The following TFCP2L1 variants were observed in gnomAD, a reference collection of about 807,000 sequenced individuals.
TFCP2L1 encodes the protein transcription factor CP2-like protein 1.
TFCP2L1 carries 12 observed loss-of-function variants against 72.2 expected under a neutral mutation model. The observed-to-expected ratio is 0.17, with a 90% confidence interval of 0.11 to 0.27. The LOEUF (loss-of-function observed/expected upper bound fraction) is 0.27. Ranked by LOEUF, TFCP2L1 falls within the 10% of genes least tolerant of loss-of-function variation. The pLI, the probability that TFCP2L1 is intolerant of heterozygous loss-of-function variation, is 1.00. For missense variants in TFCP2L1, 488 were observed against 624.6 expected (o/e 0.78, Z 2.33); for synonymous variants, 260 against 251.0 (o/e 1.04, Z -0.34).
At chr2:121,252,571 A>T (rs1161570518) in intron 2 of TFCP2L1, among the ~76,000 whole-genome samples, 2 of 152,160 alleles carry the variant, frequency 1.3e-5, no homozygotes, top group Admixed American at 1.3e-4. Flanking sequence ...TGCTTATGAG[A>T]AACACAAGAG....
At position 121,220,822 on chromosome 2, in the gene TFCP2L1, G is replaced by T. The variant is rs1573349240; in HGVS notation, c.*3519C>A. On this transcript the variant is annotated 3_prime_UTR_variant, in exon 15 of 15. Transcript: ENST00000263707. ...AGATATTTTGGTACCAAATTACCAT[G>T]TGTACTTTTTTTTGGTATTTATTAT... The T allele has an allele frequency of 6.6e-6, 1 of 152,300 alleles. No individual in the cohort carries two copies. The highest frequency in any genetic ancestry group is 1.9e-4 in the East Asian group (1 of 5,184). The allele number at this position is 152,300 out of a possible 1,614,324, so 9.4% of individuals were successfully genotyped here. A position where few individuals can be genotyped will look rare whatever the true frequency, so the allele number is the denominator to read the frequency against.
chr2:121,266,877 T>G (rs953563387), intron 2 of TFCP2L1, among the ~76,000 whole-genome samples: 2 of 146,372 alleles, frequency 1.4e-5, no homozygotes, highest in Non-Finnish European at 3.0e-5. Context: ...ATAATTATTT[T>G]TTTCATTATT....
intron 2 of TFCP2L1, among the ~76,000 whole-genome samples, chr2:121,265,935 G>C (rs780291867): frequency 2.0e-5 from 3 of 149,108 alleles, no homozygotes; most frequent in Non-Finnish European, 3.0e-5. Flanking sequence ...ATGTAGTCTC[G>C]GCTCAGTGCA....
intron 13 of TFCP2L1, among the ~76,000 whole-genome samples, chr2:121,228,960 C>T (rs1686087981): frequency 6.6e-6 from 1 of 151,962 alleles, no homozygotes; most frequent in Non-Finnish European, 1.5e-5. Context: ...CGCTCTGTTG[C>T]CCCGGCTGGA....
At chr2:121,267,758 G>A (rs1686961921) in intron 2 of TFCP2L1, among the ~76,000 whole-genome samples, 1 of 152,186 alleles carries the variant, frequency 6.6e-6, no homozygotes, top group Non-Finnish European at 1.5e-5. Context: ...GCCTCCCAAA[G>A]TGCTGGGATT....
At position 121,225,710 on chromosome 2, in the gene TFCP2L1, C is replaced by A. The variant is rs533188637; in HGVS notation, c.1342-97G>T. 5.1e-5 allele frequency: 69 copies of A among 1,348,866 alleles called. No individual in the cohort carries two copies. In the African/African-American group the frequency reaches 9.1e-4, roughly 18 times the overall value. The allele number at this position is 1,348,866 out of a possible 1,614,324, so 83.6% of individuals were successfully genotyped here. On this transcript the variant is annotated intron_variant, in intron 13 of 14. Coordinates refer to ENST00000263707, the MANE Select transcript of TFCP2L1 (RefSeq NM_014553.3). ...CTAGCCATGCGCAGCTGCAGAAACACCACTGCCAAGCCACTGCCACGGTGC... is the reference window on the plus strand; with the variant it reads ...CTAGCCATGCGCAGCTGCAGAAACAACACTGCCAAGCCACTGCCACGGTGC...
At chr2:121,237,583 A>G (rs767899665) in intron 10 of TFCP2L1, 40 bp downstream of exon 10, 1 of 1,609,066 alleles carries the variant, frequency 6.2e-7, no homozygotes, top group Admixed American at 1.7e-5. Context: ...AGTGTCTCCA[A>G]GATACTCATG....
At chr2:121,278,491 G>A (rs868105383) in intron 2 of TFCP2L1, among the ~76,000 whole-genome samples, 15 of 150,274 alleles carry the variant, frequency 1.0e-4, no homozygotes, top group African/African-American at 3.6e-4. Flanking sequence ...TTTGAGACCA[G>A]CCTGGCCAAC....
chr2:121,284,905 G>A lies in TFCP2L1; in HGVS notation c.62+143C>T, dbSNP rs924834055. On this transcript the variant is annotated intron_variant, in intron 1 of 14. Coordinates refer to ENST00000263707, the MANE Select transcript of TFCP2L1 (RefSeq NM_014553.3). The stretch of plus-strand genomic sequence containing the variant: ...TCTGTCAGTCCCTAGGCGGGACGCT[G>A]GGCGGGTCTCTCAGTCCCCAGAGGG... 8 of 692,762 alleles carry A rather than the reference G, an allele frequency of 1.2e-5. No individual in the cohort carries two copies. The East Asian group carries it at 1.5e-4, about 13-fold the overall frequency. 42.9% of individuals were successfully genotyped at this position (692,762 alleles called of 1,614,324 possible). A position where few individuals can be genotyped will look rare whatever the true frequency, so the allele number is the denominator to read the frequency against.
chr2:121,217,145 G>T lies in TFCP2L1; in HGVS notation c.*7196C>A, dbSNP rs1402342911. On this transcript the variant is annotated 3_prime_UTR_variant, in exon 15 of 15. Coordinates refer to ENST00000263707, the MANE Select transcript of TFCP2L1 (RefSeq NM_014553.3). ...CACCAGGAAGCTCAACCTGGCTCGGGCCATCAGTAGCTGTGGGACCCTGGC... is the reference window on the plus strand; with the variant it reads ...CACCAGGAAGCTCAACCTGGCTCGGTCCATCAGTAGCTGTGGGACCCTGGC... 1.3e-5 allele frequency: 2 copies of T among 152,284 alleles called. No homozygotes were observed. Among genetic ancestry groups the T allele is most frequent in the Non-Finnish European group, 2.9e-5 (2 of 68,066 alleles). The allele number at this position is 152,284 out of a possible 1,614,324, so 9.4% of individuals were successfully genotyped here. A position where few individuals can be genotyped will look rare whatever the true frequency, so the allele number is the denominator to read the frequency against.
rs530575533 is a variant in TFCP2L1 at position 121,225,818 on chromosome 2, C to CCA, written c.1342-207_1342-206dup. Among the ~76,000 whole-genome samples, 25 of 150,620 alleles carry CCA rather than the reference C, an allele frequency of 1.7e-4. 1 individual carries two copies. In the East Asian group the frequency reaches 3.7e-3, roughly 22 times the overall value. On this transcript the variant is annotated intron_variant, in intron 13 of 14. Coordinates refer to ENST00000263707, the MANE Select transcript of TFCP2L1 (RefSeq NM_014553.3). ...ACGGTAAACACCACTGCCACGGTGCCCACACACACGGGAACACGGTAAACA... is the reference window on the plus strand; with the variant it reads ...ACGGTAAACACCACTGCCACGGTGCCCACACACACACGGGAACACGGTAAACA...
chr2:121,275,222 A>G (rs1687121400), intron 2 of TFCP2L1, among the ~76,000 whole-genome samples: 1 of 151,908 alleles, frequency 6.6e-6, no homozygotes. Flanking sequence ...ATCTCTACTA[A>G]AAATACAAAC....
chr2:121,249,431 G>A (rs902981051), intron 3 of TFCP2L1, 140 bp downstream of exon 3: 5 of 728,016 alleles, frequency 6.9e-6, no homozygotes, highest in South Asian at 1.8e-5. Context: ...CAGGGGCTGC[G>A]TCTCACCGTT....
chr2:121,249,744 C>A, intron 2 of TFCP2L1, 97 bp from the exon 3 acceptor site: 1 of 1,270,646 alleles, frequency 7.9e-7, no homozygotes, highest in South Asian at 1.2e-5. Flanking sequence ...AGTGCCCATC[C>A]AGGCCTCAAG....
intron 7 of TFCP2L1, chr2:121,240,448 C>A (rs1686345846): frequency 1.0e-5 from 10 of 985,312 alleles, no homozygotes; most frequent in Non-Finnish European, 1.1e-5. Context: ...TTTACTATCA[C>A]CCACCAAACT....
At chr2:121,239,996 C>T in intron 7 of TFCP2L1, 2 of 974,486 alleles carry the variant, frequency 2.1e-6, no homozygotes, top group Non-Finnish European at 2.4e-6. Flanking sequence ...TCACAAACAG[C>T]TTTTCCTGGG....
At chr2:121,253,884 C>T (rs539509760) in intron 2 of TFCP2L1, among the ~76,000 whole-genome samples, 3 of 152,328 alleles carry the variant, frequency 2.0e-5, no homozygotes, top group Admixed American at 6.5e-5. Context: ...TGCATGCCTA[C>T]CCCCGTGCCA....
At chr2:121,250,974 A>G (rs781315333) in intron 2 of TFCP2L1, among the ~76,000 whole-genome samples, 5 of 151,680 alleles carry the variant, frequency 3.3e-5, no homozygotes, top group Non-Finnish European at 7.4e-5. Context: ...AAGAAGTTAC[A>G]AAAATATGGC....
chr2:121,235,288 G>A lies in TFCP2L1; in HGVS notation c.1027C>T (p.Arg343Ter). ...FSGADLLKMSRDDLVQICGPA... is the reference protein window; with the variant it reads ...FSGADLLKMS ...CCACAGATCTGGACCAAATCATCTC[G>A]GGACATCTTCAGCAAGTCAGCACCT... The change falls in exon 11 of 15, where the codon CGA (arginine) becomes TGA (stop). Residue 343 changes from arginine to a stop codon, truncating the protein, a stop_gained. Coordinates refer to ENST00000263707, the MANE Select transcript of TFCP2L1 (RefSeq NM_014553.3). LOFTEE classifies it high-confidence loss of function. 6.2e-7 allele frequency: 1 copy of A among 1,614,074 alleles called. No individual in the cohort carries two copies. Among genetic ancestry groups the A allele is most frequent in the Non-Finnish European group, 8.5e-7 (1 of 1,180,014 alleles).
Sources: gnomAD v4.1 joint callset for allele counts (sites outside exome capture counted in the v4.1 genomes callset) on GRCh38, gnomAD v4.1.1 for gene constraint, MANE v1.5 for transcripts, NCBI Gene and HGNC (gene_info 2026-07-23, HGNC 2026-07-21) for gene names.